The following TENM2 variants were observed in gnomAD, a reference collection of about 807,000 sequenced individuals.
TENM2 encodes teneurin transmembrane protein 2.
TENM2 carries 52 observed loss-of-function variants against 245.2 expected under a neutral mutation model. The observed-to-expected ratio is 0.21, with a 90% CI of 0.17 to 0.27. The LOEUF is 0.27. Among genes scored for constraint, TENM2 ranks in the 10% least tolerant of loss-of-function variants. TENM2 has a pLI of 1.00. For synonymous variants in TENM2, 1,363 were observed against 1,438.9 expected, an observed-to-expected ratio of 0.95 and a Z score of 1.19; for missense variants, 3,046 against 3,666.8, an observed-to-expected ratio of 0.83 and a Z score of 4.37.
chr5:167,292,894 G>C (rs900159193), intron 1 of TENM2, among the ~76,000 whole-genome samples: 1 of 152,208 alleles, frequency 6.6e-6, no homozygotes, highest in East Asian at 1.9e-4. Context: ...TGGGGAGGAG[G>C]TTGGACAATC....
At chr5:167,057,502 T>C in the TENM2 span, among the ~76,000 whole-genome samples, 1 of 152,160 alleles carries the variant, frequency 6.6e-6, no homozygotes, top group Admixed American at 6.5e-5. Context: ...TGTTTTATAT[T>C]CTTCTAGCTA....
At chr5:168,097,757 G>C (rs1302369841) in intron 8 of TENM2, among the ~76,000 whole-genome samples, 1 of 152,040 alleles carries the variant, frequency 6.6e-6, no homozygotes, top group Non-Finnish European at 1.5e-5. Flanking sequence ...TGATGAGACT[G>C]GTAGTTTATT....
intron 12 of TENM2, among the ~76,000 whole-genome samples, chr5:168,150,326 T>C (rs979575958): frequency 6.6e-5 from 10 of 152,208 alleles, no homozygotes; most frequent in Non-Finnish European, 1.3e-4. Flanking sequence ...GTGGGATTGG[T>C]ATTTCTCCCT....
chr5:167,334,576 GTC>G (rs1421238092), intron 1 of TENM2, among the ~76,000 whole-genome samples: 3 of 151,900 alleles, frequency 2.0e-5, no homozygotes, highest in South Asian at 2.1e-4. Context: ...CTCTTTCTTT[GTC>G]TCTCTTTCCT....
intron 2 of TENM2, among the ~76,000 whole-genome samples, chr5:167,817,208 G>C (rs183410859): frequency 6.6e-6 from 1 of 152,316 alleles, no homozygotes; most frequent in African/African-American, 2.4e-5. Context: ...TCAGGATATA[G>C]TGTGCTGATA....
At chr5:167,775,676 G>C (rs11744740) in intron 2 of TENM2, among the ~76,000 whole-genome samples, 3 of 152,004 alleles carry the variant, frequency 2.0e-5, no homozygotes, top group Non-Finnish European at 4.4e-5. Context: ...TCTGTGTTCA[G>C]TGTTCTCGGA....
chr5:167,240,863 C>T, the TENM2 span, among the ~76,000 whole-genome samples: 1 of 152,142 alleles, frequency 6.6e-6, no homozygotes, highest in South Asian at 2.1e-4. Context: ...GGCTAAGCCT[C>T]GTGTCCATTC....
chr5:167,370,827 T>A (rs1760372647), intron 1 of TENM2, among the ~76,000 whole-genome samples: 1 of 152,152 alleles, frequency 6.6e-6, no homozygotes, highest in Non-Finnish European at 1.5e-5. Flanking sequence ...GAATGAAGGG[T>A]TCACGGCTTT....
At chr5:167,008,310 A>G in the TENM2 span, among the ~76,000 whole-genome samples, 1 of 152,286 alleles carries the variant, frequency 6.6e-6, no homozygotes, top group Non-Finnish European at 1.5e-5. Flanking sequence ...ACTGCTGAAT[A>G]AAGGAGTTGA....
chr5:167,863,812 A>G (rs1411317955), intron 2 of TENM2, among the ~76,000 whole-genome samples: 4 of 152,210 alleles, frequency 2.6e-5, no homozygotes, highest in Admixed American at 6.5e-5. Flanking sequence ...CTCCTAGCCC[A>G]GTACTCTTCC....
the TENM2 span, among the ~76,000 whole-genome samples, chr5:167,176,908 A>G: frequency 6.6e-6 from 1 of 152,230 alleles, no homozygotes; most frequent in Non-Finnish European, 1.5e-5. Flanking sequence ...TTTTAATATC[A>G]TTCCTTCTCA....
intron 3 of TENM2, among the ~76,000 whole-genome samples, chr5:167,889,318 G>A (rs1273538001): frequency 2.6e-5 from 4 of 152,086 alleles, no homozygotes; most frequent in Non-Finnish European, 5.9e-5. Flanking sequence ...TGTGGACGGA[G>A]GGCTGTGGGA....
chr5:167,370,341 C>CA (rs35067759), intron 1 of TENM2, among the ~76,000 whole-genome samples: 1,553 of 73,400 alleles, frequency 0.021, 254 homozygotes, highest in Non-Finnish European at 0.03. Flanking sequence ...GACTCCGTCT[C>CA]AAAAAAAAAA....
intron 17 of TENM2, among the ~76,000 whole-genome samples, chr5:168,200,380 A>G (rs985703011): frequency 6.6e-6 from 1 of 152,178 alleles, no homozygotes; most frequent in African/African-American, 2.4e-5. Context: ...AGTAAATGAT[A>G]TATATTGGGG....
the TENM2 span, among the ~76,000 whole-genome samples, chr5:167,042,146 A>G: frequency 6.6e-6 from 1 of 152,234 alleles, no homozygotes; most frequent in Admixed American, 6.5e-5. Context: ...TTACATGAAG[A>G]TACAAATCAT....
chr5:168,059,926 A>G (rs541265660), intron 6 of TENM2, among the ~76,000 whole-genome samples: 1 of 152,322 alleles, frequency 6.6e-6, no homozygotes, highest in East Asian at 1.9e-4. Context: ...ATAGTGTCCC[A>G]TCTATACACA....
chr5:167,149,882 G>A, the TENM2 span, among the ~76,000 whole-genome samples: 1 of 152,212 alleles, frequency 6.6e-6, no homozygotes, highest in East Asian at 1.9e-4. Context: ...GTATCTTGAG[G>A]ACAAGGATTA....
At chr5:167,337,596 A>T (rs1444372245) in intron 1 of TENM2, among the ~76,000 whole-genome samples, 2 of 152,192 alleles carry the variant, frequency 1.3e-5, no homozygotes, top group East Asian at 3.9e-4. Flanking sequence ...TTTGCAGAGG[A>T]ATTGACAGTT....
intron 2 of TENM2, among the ~76,000 whole-genome samples, chr5:167,853,289 CAAAAAAA>C (rs777170514): frequency 1.3e-3 from 33 of 24,618 alleles, no homozygotes; most frequent in African/African-American, 4.7e-3. Context: ...GACTCCGTCT[CAAAAAAA>C]AAAAAAAAAA....
Sources: allele counts gnomAD v4.1 joint callset (sites outside exome capture counted in the v4.1 genomes callset), GRCh38; gene constraint gnomAD v4.1.1; transcripts MANE v1.5; gene names NCBI Gene and HGNC (gene_info 2026-07-23, HGNC 2026-07-21).